Variants in ITGB3BP observed in about 807,000 individuals in gnomAD.
The protein encoded by ITGB3BP is centromere protein R.
ITGB3BP carries 27 observed loss-of-function variants against 29.1 expected under a neutral mutation model. The observed-to-expected ratio is 0.93, with a 90% CI of 0.68 to 1.28. The LOEUF (loss-of-function observed/expected upper bound fraction) is 1.28. Ranked by LOEUF, ITGB3BP falls within the 50% of genes most tolerant of loss-of-function variation. ITGB3BP has a pLI of 0.00. For synonymous variants in ITGB3BP, 61 were observed against 61.4 expected, an observed-to-expected ratio of 0.99 and a Z score of 0.03; for missense variants, 192 against 200.2, an observed-to-expected ratio of 0.96 and a Z score of 0.25.
chr1:63,444,445 CCT>C, intron 8 of ITGB3BP, among the ~76,000 whole-genome samples: 1 of 139,624 alleles, frequency 7.2e-6, no homozygotes, highest in Non-Finnish European at 1.5e-5. Flanking sequence ...ATATATATAT[CCT>C]ATATATATAT....
chr1:63,479,916 A>G (rs1022560987), intron 3 of ITGB3BP, among the ~76,000 whole-genome samples: 1 of 152,104 alleles, frequency 6.6e-6, no homozygotes, highest in African/African-American at 2.4e-5. Flanking sequence ...GGGAGTCCAG[A>G]TATTTCTTTG....
intron 4 of ITGB3BP, among the ~76,000 whole-genome samples, chr1:63,473,248 C>T (rs911477898): frequency 4.3e-4 from 66 of 151,782 alleles, no homozygotes; most frequent in African/African-American, 1.5e-3. Flanking sequence ...GCAACCGCCC[C>T]GTCTGAGAAG....
intron 4 of ITGB3BP, among the ~76,000 whole-genome samples, chr1:63,474,025 A>G (rs1242754693): frequency 1.4e-3 from 4 of 2,772 alleles, no homozygotes; most frequent in African/African-American, 1.6e-3. Context: ...AGGTGGGGGG[A>G]TCAGCCACCC....
chr1:63,482,189 C>A (rs1184220616), intron 3 of ITGB3BP, among the ~76,000 whole-genome samples: 3 of 132,514 alleles, frequency 2.3e-5, no homozygotes, highest in Non-Finnish European at 4.6e-5. Context: ...AGGAGAATCA[C>A]TTGAACCTGG....
chr1:63,506,933 C>T (rs1205668453), intron 2 of ITGB3BP, among the ~76,000 whole-genome samples: 1 of 152,156 alleles, frequency 6.6e-6, no homozygotes, highest in Non-Finnish European at 1.5e-5. Flanking sequence ...CTCAATGGGG[C>T]CATAGGCCAT....
intron 7 of ITGB3BP, 66 bp from the exon 8 acceptor site, chr1:63,446,922 A>G: frequency 1.7e-6 from 2 of 1,152,288 alleles, no homozygotes; most frequent in South Asian, 1.3e-5. Context: ...ACAGTATATG[A>G]TGCAGAATAA....
At chr1:63,452,147 T>A (rs541863454) in intron 7 of ITGB3BP, 1 of 152,106 alleles carries the variant, frequency 6.6e-6, no homozygotes, top group Non-Finnish European at 1.5e-5. Flanking sequence ...CATAAGGAAA[T>A]GAAAAAAGTT....
At chr1:63,510,560 C>T (rs968731123) in intron 1 of ITGB3BP, among the ~76,000 whole-genome samples, 4 of 152,044 alleles carry the variant, frequency 2.6e-5, no homozygotes, top group African/African-American at 7.3e-5. Context: ...TCAGATAATT[C>T]GGACATCTAA....
chr1:63,472,884 G>A (rs1427612996), intron 4 of ITGB3BP, among the ~76,000 whole-genome samples: 1 of 152,102 alleles, frequency 6.6e-6, no homozygotes, highest in South Asian at 2.1e-4. Context: ...TGCAGCCTCT[G>A]CCCAGCCGCC....
chr1:63,448,500 T>G (rs913818083), intron 7 of ITGB3BP, among the ~76,000 whole-genome samples: 1 of 151,980 alleles, frequency 6.6e-6, no homozygotes, highest in Non-Finnish European at 1.5e-5. Flanking sequence ...CACCTAATAT[T>G]TAATAATTAC....
chr1:63,487,132 C>G (rs1344553082), intron 3 of ITGB3BP, among the ~76,000 whole-genome samples: 1 of 151,706 alleles, frequency 6.6e-6, no homozygotes, highest in Non-Finnish European at 1.5e-5. Context: ...AAATGATAGA[C>G]TAGTAGCTAC....
chr1:63,447,144 G>A (rs1644800517), intron 7 of ITGB3BP: 2 of 342,758 alleles, frequency 5.8e-6, no homozygotes, highest in Non-Finnish European at 1.1e-5. Context: ...TTACTAAAAT[G>A]ACTGTCATTT....
chr1:63,524,080 G>C (rs1570360376), upstream of ITGB3BP, among the ~76,000 whole-genome samples: 2 of 152,066 alleles, frequency 1.3e-5, no homozygotes, highest in South Asian at 4.1e-4. Flanking sequence ...TTGGTTTCTC[G>C]TCACAGAAAG....
At chr1:63,460,564 T>C (rs1295434677) in intron 4 of ITGB3BP, among the ~76,000 whole-genome samples, 1 of 152,212 alleles carries the variant, frequency 6.6e-6, no homozygotes, top group East Asian at 1.9e-4. Context: ...ATTTGGGTTG[T>C]TTCCTGTCTT....
intron 1 of ITGB3BP, among the ~76,000 whole-genome samples, chr1:63,517,248 C>T (rs1206691485): frequency 2.0e-5 from 3 of 151,872 alleles, no homozygotes; most frequent in Non-Finnish European, 4.4e-5. Flanking sequence ...TAAATCTAAA[C>T]ATTGGTGAGA....
chr1:63,493,286 G>A (rs889060533), intron 2 of ITGB3BP, among the ~76,000 whole-genome samples: 5 of 151,766 alleles, frequency 3.3e-5, no homozygotes, highest in African/African-American at 4.8e-5. Flanking sequence ...GCATGGTGGC[G>A]CGCCTGTTGT....
At chr1:63,521,292 T>C (rs1646438732) in intron 1 of ITGB3BP, among the ~76,000 whole-genome samples, 1 of 151,560 alleles carries the variant, frequency 6.6e-6, no homozygotes, top group South Asian at 2.1e-4. Flanking sequence ...TTACTAACAA[T>C]GATGGAGATT....
At chr1:63,458,783 G>T (rs1345939045) in intron 4 of ITGB3BP, among the ~76,000 whole-genome samples, 1 of 152,150 alleles carries the variant, frequency 6.6e-6, no homozygotes, top group Non-Finnish European at 1.5e-5. Context: ...AGTGCCTGCA[G>T]TTATGGGAGG....
chr1:63,444,466 GGATATATA>G (rs1644764985), intron 8 of ITGB3BP, among the ~76,000 whole-genome samples: 1 of 10,080 alleles, frequency 9.9e-5, no homozygotes, highest in African/African-American at 1.3e-3. Context: ...ATTACATATA[GGATATATA>G]TATTACATAT....
Sources: gnomAD v4.1 joint callset for allele counts (sites outside exome capture counted in the v4.1 genomes callset) on GRCh38, gnomAD v4.1.1 for gene constraint, MANE v1.5 for transcripts, NCBI Gene and HGNC (gene_info 2026-07-23, HGNC 2026-07-21) for gene names.